The following ADPRH variants were observed in gnomAD, a reference collection of about 807,000 sequenced individuals.
The protein encoded by ADPRH is ADP-ribosylarginine hydrolase.
ADPRH carries 27 observed loss-of-function variants against 28.8 expected under a neutral mutation model. The ratio of observed to expected loss-of-function variants is 0.94; its 90% CI spans 0.69 to 1.29. ADPRH has a LOEUF of 1.29. Ranked by LOEUF, ADPRH falls within the 50% of genes most tolerant of loss-of-function variation. The probability of loss-of-function intolerance (pLI) is 0.00; values close to 1 mark genes in which losing one functional copy is unlikely to be tolerated. For synonymous variants in ADPRH, 161 were observed against 166.9 expected (o/e 0.96, Z 0.27); for missense variants, 419 against 444.8 (o/e 0.94, Z 0.52).
chr3:119,587,334 T>C (rs992779502), intron 4 of ADPRH, 130 bp from the exon 5 acceptor site: 2 of 623,422 alleles, frequency 3.2e-6, no homozygotes, highest in East Asian at 5.8e-5. Flanking sequence ...GTTTAAATAG[T>C]TTATGATATT....
At position 119,588,107 on chromosome 3, in the gene ADPRH, C is replaced by A. The variant is rs751289304; in HGVS notation, c.*229C>A. ...CCTTTAGCTCAATTGATAGGGTCAG[C>A]GTCTCGCAAGCAAAAAATCTCATGA... On this transcript the variant is annotated 3_prime_UTR_variant, in exon 5 of 5. Transcript: ENST00000357003. 4 of 379,666 alleles carry A rather than the reference C, an allele frequency of 1.1e-5. No individual in the cohort carries two copies. The highest frequency in any genetic ancestry group is 1.4e-5 in the Non-Finnish European group (3 of 217,014). The allele number at this position is 379,666 out of a possible 1,614,324, so 23.5% of individuals were successfully genotyped here.
chr3:119,583,800 TG>T (rs1176701650), intron 3 of ADPRH, among the ~76,000 whole-genome samples: 1 of 151,968 alleles, frequency 6.6e-6, no homozygotes, highest in African/African-American at 2.4e-5. Flanking sequence ...TTTTTTGAGA[TG>T]GAGTCTCACT....
At chr3:119,579,897 C>G (rs1349389370) in intron 1 of ADPRH, 46 bp downstream of exon 1, 2 of 152,484 alleles carry the variant, frequency 1.3e-5, no homozygotes, top group East Asian at 3.9e-4. Context: ...TCCCCCGCCC[C>G]TGGCGCTCTC....
chr3:119,587,602 G>T lies in ADPRH; in HGVS notation c.798G>T (p.Trp266Cys), dbSNP rs144292904. The T allele has an allele frequency of 1.2e-6, 2 of 1,614,186 alleles. No homozygotes were observed. Among genetic ancestry groups the T allele is most frequent in the Non-Finnish European group, 1.7e-6 (2 of 1,180,018 alleles). Residue 266 changes from tryptophan (W) to cysteine (C), a missense_variant, in exon 5 of 5, where the codon TGG becomes TGT. Coordinates refer to ENST00000357003, the MANE Select transcript of ADPRH (RefSeq NM_001125.4). ...QFYTSLSYSG[W>C]GGSSGHDAPM... ...ACACCTCCCTGAGCTACTCTGGCTG[G>T]GGTGGCAGCAGTGGGCACGATGCCC...
chr3:119,586,663 C>G lies in ADPRH; in HGVS notation c.659+18C>G. 4 of 1,608,598 alleles carry G rather than the reference C, an allele frequency of 2.5e-6. No homozygotes were observed. Among genetic ancestry groups the G allele is most frequent in the Non-Finnish European group, 3.4e-6 (4 of 1,178,796 alleles). Reference sequence around the variant, plus strand: ...CAACACTGGTGAGTCTGTAAGCGCACGCCCTGCTCAAACACGGTTGAATCT... The same window carrying G: ...CAACACTGGTGAGTCTGTAAGCGCAGGCCCTGCTCAAACACGGTTGAATCT... On this transcript the variant is annotated intron_variant, in intron 4 of 4. Transcript: ENST00000357003.
At chr3:119,585,386 G>A (rs936481187) in intron 3 of ADPRH, among the ~76,000 whole-genome samples, 2 of 152,204 alleles carry the variant, frequency 1.3e-5, no homozygotes, top group Non-Finnish European at 2.9e-5. Context: ...TCACTGTCAC[G>A]AGGGGATAGC....
chr3:119,587,552 G>C lies in ADPRH; in HGVS notation c.748G>C (p.Gly250Arg). The C allele has an allele frequency of 6.2e-7, 1 of 1,610,876 alleles. No individual in the cohort carries two copies. Among genetic ancestry groups the C allele is most frequent in the Non-Finnish European group, 8.5e-7 (1 of 1,178,332 alleles). Reference sequence around the variant, plus strand: ...AGCCCCTACCTTCCCTGAGTCTTTCGGTGTGAAGGAGAGGGATCAGTTCTA... The same window carrying C: ...AGCCCCTACCTTCCCTGAGTCTTTCCGTGTGAAGGAGAGGGATCAGTTCTA... ...ESAPTFPESF[G>R]VKERDQFYTS... Residue 250 changes from glycine (G) to arginine (R), a missense_variant, in exon 5 of 5, where the codon GGT becomes CGT. By Grantham distance (125) the Gly-to-Arg change is moderately radical. Coordinates refer to ENST00000357003, the MANE Select transcript of ADPRH (RefSeq NM_001125.4).
At chr3:119,585,950 T>C (rs1358735316) in intron 3 of ADPRH, among the ~76,000 whole-genome samples, 1 of 152,244 alleles carries the variant, frequency 6.6e-6, no homozygotes, top group Non-Finnish European at 1.5e-5. Context: ...TTGAGGAAGT[T>C]TCTTAAGCTC....
chr3:119,586,449 A>G lies in ADPRH; in HGVS notation c.463A>G (p.Ser155Gly). 1 of 1,614,148 alleles carries G rather than the reference A, an allele frequency of 6.2e-7. No individual in the cohort carries two copies. The highest frequency in any genetic ancestry group is 1.6e-4 in the Middle Eastern group (1 of 6,062). The change falls in exon 4 of 5, where the codon AGC becomes GGC. Residue 155 changes from serine to glycine, a missense_variant. Coordinates refer to ENST00000357003, the MANE Select transcript of ADPRH (RefSeq NM_001125.4). ...CCAACTGGACACACTGATCCAAGTG[A>G]GCATCGAGAGTGGTCGGATGACCCA... is the stretch of plus-strand genomic sequence containing the variant. ...HSQLDTLIQV[S>G]IESGRMTHHH...
chr3:119,583,508 A>G (rs2082426870), intron 3 of ADPRH, among the ~76,000 whole-genome samples: 1 of 152,210 alleles, frequency 6.6e-6, no homozygotes, highest in Non-Finnish European at 1.5e-5. Flanking sequence ...TTTAAATATT[A>G]ATAAAAATTT....
In ADPRH at chr3:119,588,368, C is replaced by G. The variant is rs1560069587; in HGVS notation, c.*490C>G. 1.3e-5 allele frequency: 2 copies of G among 152,490 alleles called. No individual in the cohort carries two copies. Among genetic ancestry groups the G allele is most frequent in the Admixed American group, 6.5e-5 (1 of 15,284 alleles). 9.4% of individuals were successfully genotyped at this position (152,490 alleles called of 1,614,324 possible). ...GTTTCCACTGTGGGCGGTTGGCACT[C>G]TGCCATCTGAGTCCTCTGCCTAAAG... On this transcript the variant is annotated 3_prime_UTR_variant, in exon 5 of 5. Coordinates refer to ENST00000357003, the MANE Select transcript of ADPRH (RefSeq NM_001125.4).
Position 119,587,978 on chromosome 3 carries a change from C to T in ADPRH, c.*100C>T, listed in dbSNP as rs2082481197. ...CAAAGTCAAGAGTCTTAACCTTGTA[C>T]TCAGGGAATTTTGAGATAACAAGTC... On this transcript the variant is annotated 3_prime_UTR_variant, in exon 5 of 5. Transcript: ENST00000357003. 1 of 1,347,764 alleles carries T rather than the reference C, an allele frequency of 7.4e-7. No individual in the cohort carries two copies. Among genetic ancestry groups the T allele is most frequent in the Admixed American group, 2.5e-5 (1 of 40,286 alleles). 83.5% of individuals were successfully genotyped at this position (1,347,764 alleles called of 1,614,324 possible).
Position 119,587,804 on chromosome 3 carries a change from A to G in ADPRH, c.1000A>G (p.Arg334Gly). 1 of 1,614,132 alleles carries G rather than the reference A, an allele frequency of 6.2e-7. No homozygotes were observed. The highest frequency in any genetic ancestry group is 8.5e-7 in the Non-Finnish European group (1 of 1,179,978). Reference protein sequence around the residue: ...SPSNYEKLEYRNRLEETARAL... With the variant: ...SPSNYEKLEYGNRLEETARAL... Reference sequence around the variant, plus strand: ...CTCCAACTATGAGAAACTAGAATACAGAAACCGGCTGGAAGAGACAGCTAG... The same window carrying G: ...CTCCAACTATGAGAAACTAGAATACGGAAACCGGCTGGAAGAGACAGCTAG... Residue 334 changes from arginine (R) to glycine (G), a missense_variant, in exon 5 of 5, where the codon AGA (arginine) becomes GGA (glycine). Physicochemically the swap from Arg to Gly is moderately radical, Grantham distance 125. Transcript: ENST00000357003.
chr3:119,588,034 G>A lies in ADPRH; in HGVS notation c.*156G>A, dbSNP rs1295597736. On this transcript the variant is annotated 3_prime_UTR_variant, in exon 5 of 5. Transcript: ENST00000357003. Reference sequence around the variant, plus strand: ...GGCACCTTAAGCTCAGTTTTTTCAGGCTCATCCTGTTCTTCCAGAATCTAT... The same window carrying A: ...GGCACCTTAAGCTCAGTTTTTTCAGACTCATCCTGTTCTTCCAGAATCTAT... The A allele has an allele frequency of 1.5e-6, 1 of 687,216 alleles. No homozygotes were observed. The highest frequency in any genetic ancestry group is 2.9e-5 in the East Asian group (1 of 34,616). The allele number at this position is 687,216 out of a possible 1,614,324, so 42.6% of individuals were successfully genotyped here. A position where few individuals can be genotyped will look rare whatever the true frequency, so the allele number is the denominator to read the frequency against.
chr3:119,588,669 C>T lies in ADPRH; in HGVS notation c.*791C>T, dbSNP rs2082488191. 6.6e-6 allele frequency: 1 copy of T among 152,232 alleles called. No homozygotes were observed. Among genetic ancestry groups the T allele is most frequent in the Non-Finnish European group, 1.5e-5 (1 of 68,064 alleles). The allele number at this position is 152,232 out of a possible 1,614,324, so 9.4% of individuals were successfully genotyped here. ...TCTACCTCCTAAATATACTCTGAAT[C>T]TATCACCTCTATTGCCTTCTTGCAC... On this transcript the variant is annotated 3_prime_UTR_variant, in exon 5 of 5. Transcript: ENST00000357003.
chr3:119,587,656 T>G lies in ADPRH; in HGVS notation c.852T>G (p.Ala284=). 1 of 1,614,218 alleles carries G rather than the reference T, an allele frequency of 6.2e-7. No individual in the cohort carries two copies. Among genetic ancestry groups the G allele is most frequent in the Non-Finnish European group, 8.5e-7 (1 of 1,180,030 alleles). The change falls in exon 5 of 5, where the codon GCT becomes GCG. Residue 284 remains alanine, a synonymous_variant. Transcript: ENST00000357003. ...TGATTGCCTACGATGCTGTTCTTGC[T>G]GCAGGAGACTCCTGGAAGGAGCTTG... ...APMIAYDAVL[A]AGDSWKELAH... is the part of the protein sequence containing the mutation.
rs2082414773 is a variant in ADPRH at position 119,582,370 on chromosome 3, T to A, written c.201T>A (p.Leu67=). 1 of 1,614,074 alleles carries A rather than the reference T, an allele frequency of 6.2e-7. No individual in the cohort carries two copies. The highest frequency in any genetic ancestry group is 1.7e-5 in the Admixed American group (1 of 59,996). The change falls in exon 3 of 5, where the codon CTT becomes CTA. Residue 67 remains leucine (L), a synonymous_variant. Coordinates refer to ENST00000357003, the MANE Select transcript of ADPRH (RefSeq NM_001125.4). ...TVMHLATAEA[L]VEAGKAPKLT... ...TGCACTTGGCCACAGCAGAAGCTCTTGTGGAAGCTGGGAAAGCCCCTAAGT... is the reference window on the plus strand; with the variant it reads ...TGCACTTGGCCACAGCAGAAGCTCTAGTGGAAGCTGGGAAAGCCCCTAAGT...
chr3:119,585,725 A>G (rs2082452126), intron 3 of ADPRH, among the ~76,000 whole-genome samples: 1 of 152,008 alleles, frequency 6.6e-6, no homozygotes, highest in African/African-American at 2.4e-5. Flanking sequence ...AGTTTTTTGT[A>G]TTTTTAGTAG....
rs930324645 is a variant in ADPRH at position 119,588,474 on chromosome 3, G to A, written c.*596G>A. 8 of 152,182 alleles carry A rather than the reference G, an allele frequency of 5.3e-5. No homozygotes were observed. Among genetic ancestry groups the A allele is most frequent in the Admixed American group, 2.6e-4 (4 of 15,270 alleles). The allele number at this position is 152,182 out of a possible 1,614,324, so 9.4% of individuals were successfully genotyped here. On this transcript the variant is annotated 3_prime_UTR_variant, in exon 5 of 5. Transcript: ENST00000357003. ...TGACTTCCATCTGACACTGGTTGAGGACCACTGCCAGGGATGCTAACTCCC... is the reference window on the plus strand; with the variant it reads ...TGACTTCCATCTGACACTGGTTGAGAACCACTGCCAGGGATGCTAACTCCC...
Sources: allele counts gnomAD v4.1 joint callset (sites outside exome capture counted in the v4.1 genomes callset), GRCh38; gene constraint gnomAD v4.1.1; transcripts MANE v1.5; gene names NCBI Gene and HGNC (gene_info 2026-07-23, HGNC 2026-07-21).